TP53BP2: variants seen among roughly 807,000 people sequenced by gnomAD.
The protein encoded by TP53BP2 is apoptosis-stimulating of p53 protein 2.
TP53BP2 carries 62 observed loss-of-function variants against 126.2 expected under a neutral mutation model. The observed-to-expected ratio is 0.49, with a 90% CI of 0.40 to 0.61. The LOEUF (loss-of-function observed/expected upper bound fraction) is 0.61. Ranked by LOEUF, TP53BP2 falls within the 20% of genes least tolerant of loss-of-function variation. The pLI is 0.00. For missense variants in TP53BP2, 1,215 were observed against 1,402.8 expected, an observed-to-expected ratio of 0.87 and a Z score of 2.14; for synonymous variants, 485 against 502.9, an observed-to-expected ratio of 0.96 and a Z score of 0.48.
chr1:223,817,700 C>T (rs1290927437), intron 2 of TP53BP2, among the ~76,000 whole-genome samples: 2 of 151,832 alleles, frequency 1.3e-5, no homozygotes, highest in African/African-American at 2.4e-5. Context: ...CTGAGGCAGG[C>T]GGATCACTTG....
chr1:223,812,547 TTTGTTGTTG>T (rs574437302), intron 3 of TP53BP2, among the ~76,000 whole-genome samples: 1 of 151,776 alleles, frequency 6.6e-6, no homozygotes, highest in Non-Finnish European at 1.5e-5. Flanking sequence ...ATTTTTGTTT[TTTGTTGTTG>T]TTGTTGTTGT....
chr1:223,828,185 AG>A (rs1338515165), intron 1 of TP53BP2, among the ~76,000 whole-genome samples: 1 of 152,226 alleles, frequency 6.6e-6, no homozygotes, highest in African/African-American at 2.4e-5. Context: ...ATATTTTTGA[AG>A]GCAATGAATA....
intron 9 of TP53BP2, 122 bp from the exon 10 acceptor site, chr1:223,800,932 T>C: frequency 1.6e-6 from 1 of 619,178 alleles, no homozygotes; most frequent in Non-Finnish European, 2.8e-6. Context: ...AACACCCCAA[T>C]AAATTTACTT....
Position 223,796,576 on chromosome 1 carries a change from C to T in TP53BP2, c.1963G>A (p.Val655Ile). Residue 655 changes from valine (V) to isoleucine (I), a missense_variant, in exon 13 of 18, where the codon GTA becomes ATA. Val to Ile is a conservative substitution (Grantham distance 29, BLOSUM62 3). Coordinates refer to ENST00000343537, the MANE Select transcript of TP53BP2 (RefSeq NM_001031685.3). This position sits in a 1 kb window ranked among gnomAD's most constrained non-coding sequence, Gnocchi z 4.2. The part of the protein sequence containing the change: ...PHFSSVYGKP[V>I]IAAAQNQQQH... Reference sequence around the variant, plus strand: ...TGTTGATTCTGGGCAGCAGCAATTACAGGCTTACCATATACTAATTGGAAA... The same window carrying T: ...TGTTGATTCTGGGCAGCAGCAATTATAGGCTTACCATATACTAATTGGAAA... 1.9e-6 allele frequency: 3 copies of T among 1,605,306 alleles called. No individual in the cohort carries two copies. The highest frequency in any genetic ancestry group is 2.2e-5 in the East Asian group (1 of 44,750).
chr1:223,790,165 T>A (rs1437285700), intron 15 of TP53BP2, among the ~76,000 whole-genome samples: 1 of 151,438 alleles, frequency 6.6e-6, no homozygotes, highest in African/African-American at 2.4e-5. Flanking sequence ...GGCTGAGGCA[T>A]GAGAATCACC....
chr1:223,810,396 TG>T (rs2102862041), intron 4 of TP53BP2, 34 bp downstream of exon 4: 1 of 1,428,976 alleles, frequency 7.0e-7, no homozygotes. Flanking sequence ...TGTATCACTG[TG>T]GTATATACAG....
chr1:223,792,853 C>A (rs1216944770), intron 14 of TP53BP2, among the ~76,000 whole-genome samples: 1 of 138,072 alleles, frequency 7.2e-6, no homozygotes. Flanking sequence ...GTTGCATTTG[C>A]TATGGAAAGC....
chr1:223,803,199 T>C (rs1021237779), intron 7 of TP53BP2, 72 bp downstream of exon 7: 2 of 1,499,168 alleles, frequency 1.3e-6, no homozygotes, highest in Non-Finnish European at 1.8e-6. Flanking sequence ...CTAGCACCTC[T>C]TGCTACTTAT....
chr1:223,828,628 T>C (rs138096865), intron 1 of TP53BP2, among the ~76,000 whole-genome samples: 220 of 152,282 alleles, frequency 1.4e-3, no homozygotes, highest in Non-Finnish European at 2.4e-3. Context: ...TCCACTATAT[T>C]AGAATGGAAT....
intron 4 of TP53BP2, 137 bp downstream of exon 4, chr1:223,810,294 T>C (rs1662867794): frequency 1.8e-6 from 1 of 564,190 alleles, no homozygotes; most frequent in Non-Finnish European, 3.0e-6. Flanking sequence ...ATAGTTTCTA[T>C]GAAACAAATT....
rs1571833118 is a variant in TP53BP2, at chr1:223,783,974, G to T, written c.3363+141C>A. On this transcript the variant is annotated intron_variant, in intron 17 of 17. Coordinates refer to ENST00000343537, the MANE Select transcript of TP53BP2 (RefSeq NM_001031685.3). The stretch of plus-strand genomic sequence containing the variant: ...AGAATCACTGAAAATGAGGCTTTAA[G>T]TCTAAGACTATCAAAATGTTTAAAT... The T allele has an allele frequency of 3.1e-5, 24 of 762,920 alleles. No individual in the cohort carries two copies. In the East Asian group the frequency reaches 6.0e-4, roughly 19 times the overall value. The allele number at this position is 762,920 out of a possible 1,614,324, so 47.3% of individuals were successfully genotyped here.
intron 17 of TP53BP2, among the ~76,000 whole-genome samples, 169 bp downstream of exon 17, chr1:223,783,946 A>G (rs931195917): frequency 1.3e-5 from 2 of 152,200 alleles, no homozygotes; most frequent in Non-Finnish European, 2.9e-5. Context: ...ATTGGTCATA[A>G]TAAGAATCAC....
intron 15 of TP53BP2, among the ~76,000 whole-genome samples, chr1:223,790,974 A>G (rs1184136898): frequency 1.3e-5 from 2 of 152,226 alleles, no homozygotes; most frequent in Non-Finnish European, 2.9e-5. Context: ...TTTAATAATG[A>G]AAAATTATAT....
intron 5 of TP53BP2, among the ~76,000 whole-genome samples, chr1:223,805,477 T>C (rs1381902077): frequency 2.0e-5 from 3 of 152,194 alleles, no homozygotes; most frequent in African/African-American, 4.8e-5. Context: ...AGGTGATTCA[T>C]ATGTATCTTA....
At position 223,780,400 on chromosome 1, in the gene TP53BP2, C is replaced by G. The variant is rs1661728401; in HGVS notation, c.*453G>C. 1 of 156,794 alleles carries G rather than the reference C, an allele frequency of 6.4e-6. No individual in the cohort carries two copies. The highest frequency in any genetic ancestry group is 1.4e-5 in the Non-Finnish European group (1 of 71,090). The allele number at this position is 156,794 out of a possible 1,614,324, so 9.7% of individuals were successfully genotyped here. The stretch of plus-strand genomic sequence containing the variant: ...CAGTGCCTTCGAGCCTTCAGGTGAG[C>G]CCCCCAAGGGCCTGCTGGTGCCGGG... On this transcript the variant is annotated 3_prime_UTR_variant, in exon 18 of 18. Coordinates refer to ENST00000343537, the MANE Select transcript of TP53BP2 (RefSeq NM_001031685.3).
At chr1:223,805,704 A>T (rs950040141) in intron 5 of TP53BP2, among the ~76,000 whole-genome samples, 3 of 152,224 alleles carry the variant, frequency 2.0e-5, no homozygotes, top group African/African-American at 7.2e-5. Flanking sequence ...GTGACCTGAT[A>T]ATCACTAAAG....
chr1:223,804,879 A>C (rs7533551), intron 5 of TP53BP2, among the ~76,000 whole-genome samples: 16,512 of 152,182 alleles, frequency 0.11, 1,060 homozygotes, highest in African/African-American at 0.18. Context: ...GATTAAATGA[A>C]GTGTGAAATG....
rs1662067106 is a variant in TP53BP2, at chr1:223,789,104, C to A, written c.3067G>T (p.Ala1023Ser). ...VCKFLVESGA[A>S]VFAMTYSDMQ... ...TCACTGTAGGTCATGGCAAACACAG[C>A]GGCTCCTGACTCCACCAAAAACTTA... Residue 1023 changes from alanine (A) to serine (S), a missense_variant, in exon 16 of 18, where the codon GCT (alanine) becomes TCT (serine). Physicochemically the swap from Ala to Ser is moderately conservative, Grantham distance 99 (BLOSUM62 1). Transcript: ENST00000343537. The A allele has an allele frequency of 9.3e-6, 15 of 1,614,140 alleles. No individual in the cohort carries two copies. Among genetic ancestry groups the A allele is most frequent in the Non-Finnish European group, 1.2e-5 (14 of 1,180,002 alleles).
intron 17 of TP53BP2, among the ~76,000 whole-genome samples, chr1:223,782,503 T>G (rs968288256): frequency 7.9e-5 from 12 of 151,938 alleles, no homozygotes; most frequent in Non-Finnish European, 1.8e-4. Context: ...ATCTGAAAGC[T>G]TTTTTTTAAG....
Sources: gnomAD v4.1 joint callset for allele counts (sites outside exome capture counted in the v4.1 genomes callset) on GRCh38, gnomAD v4.1.1 for gene constraint, Gnocchi (gnomAD v3.1) non-coding constraint, MANE v1.5 for transcripts, NCBI Gene and HGNC (gene_info 2026-07-23, HGNC 2026-07-21) for gene names.